The following OOEP variants were observed in gnomAD, a reference collection of about 807,000 sequenced individuals.
The protein encoded by OOEP is oocyte-expressed protein homolog.
Under a neutral mutation model 13.7 loss-of-function variants are expected in OOEP, and 16 were observed. The ratio of observed to expected loss-of-function variants is 1.16; its 90% CI spans 0.79 to 1.77. OOEP has a LOEUF of 1.77. OOEP is among the 40% of genes most tolerant of loss of function. The probability of loss-of-function intolerance (pLI) is 0.00; values close to 1 mark genes in which losing one functional copy is unlikely to be tolerated. For synonymous variants in OOEP, 89 were observed against 77.1 expected (o/e 1.15, Z -0.81); for missense variants, 195 against 193.1 (o/e 1.01, Z -0.06).
chr6:73,390,230 C>T (rs1769328789), intron 2 of OOEP, among the ~76,000 whole-genome samples: 1 of 152,174 alleles, frequency 6.6e-6, no homozygotes, highest in African/African-American at 2.4e-5. Flanking sequence ...AAGGACATAG[C>T]TGATCCAATT....
In OOEP at chr6:73,369,847, C is replaced by T; in HGVS notation, c.-55G>A. The T allele has an allele frequency of 2.0e-6, 3 of 1,513,046 alleles. No individual in the cohort carries two copies. The Admixed American group carries it at 5.2e-5, about 26-fold the overall frequency. 93.7% of individuals were successfully genotyped at this position (1,513,046 alleles called of 1,614,324 possible). Reference sequence around the variant, plus strand: ...GAGGCGGCTTTCGCAAGACCTCTTCCAGACCCAGGCGCGAAGCTCGGGCTC... The same window carrying T: ...GAGGCGGCTTTCGCAAGACCTCTTCTAGACCCAGGCGCGAAGCTCGGGCTC... On this transcript the variant is annotated 5_prime_UTR_variant, in exon 1 of 3. Coordinates refer to ENST00000370359, the MANE Select transcript of OOEP (RefSeq NM_001080507.3).
chr6:73,390,913 A>C (rs1769339130), intron 2 of OOEP: 1 of 151,414 alleles, frequency 6.6e-6, no homozygotes, highest in East Asian at 1.9e-4. Flanking sequence ...TATAATAATA[A>C]TAATAAAAAT....
In OOEP at chr6:73,369,892, C is replaced by T. The variant is rs2150778491; in HGVS notation, c.-100G>A. On this transcript the variant is annotated 5_prime_UTR_variant, in exon 1 of 3. Coordinates refer to ENST00000370359, the MANE Select transcript of OOEP (RefSeq NM_001080507.3). ...GGGCTCTCTTTTACCATATTCGACC[C>T]GCTCCGCCCCTTCCGGCGGCGCCTC... The T allele has an allele frequency of 9.0e-7, 1 of 1,115,508 alleles. No homozygotes were observed. The highest frequency in any genetic ancestry group is 1.3e-6 in the Non-Finnish European group (1 of 775,578). 69.1% of individuals were successfully genotyped at this position (1,115,508 alleles called of 1,614,324 possible).
At chr6:73,386,977 GAAAAAA>G (rs1169476638) in intron 2 of OOEP, among the ~76,000 whole-genome samples, 1 of 30,868 alleles carries the variant, frequency 3.2e-5, no homozygotes, top group Admixed American at 4.9e-4. Context: ...TTCCATCTCA[GAAAAAA>G]AAAAAAAAAA....
chr6:73,374,464 C>T (rs1307872432), upstream of OOEP, among the ~76,000 whole-genome samples: 1 of 152,184 alleles, frequency 6.6e-6, no homozygotes, highest in Admixed American at 6.5e-5. Context: ...ATGATGGTTG[C>T]AGAGATGGTA....
In OOEP at chr6:73,368,875, G is replaced by C. The variant is rs1401738064; in HGVS notation, c.371-12C>G. ...TTTCATCTTCTCAGCTGGAAGAGAA[G>C]CAGTTGATACTAACCATGGACAGGG... is the stretch of plus-strand genomic sequence containing the variant. On this transcript the variant is annotated splice_polypyrimidine_tract_variant and intron_variant, in intron 2 of 2. Transcript: ENST00000370359. The C allele has an allele frequency of 6.2e-6, 10 of 1,602,946 alleles. No homozygotes were observed. The highest frequency in any genetic ancestry group is 8.5e-6 in the Non-Finnish European group (10 of 1,170,084).
At chr6:73,383,505 C>T (rs1254121455) in intron 2 of OOEP, among the ~76,000 whole-genome samples, 2 of 152,074 alleles carry the variant, frequency 1.3e-5, no homozygotes, top group East Asian at 1.9e-4. Context: ...TGTGGTGGCA[C>T]ATGCCTGTAG....
upstream of OOEP, among the ~76,000 whole-genome samples, chr6:73,370,904 C>T (rs1200404934): frequency 6.6e-6 from 1 of 152,178 alleles, no homozygotes; most frequent in Non-Finnish European, 1.5e-5. Flanking sequence ...ATCTCAGCCT[C>T]CTGAGTAGCT....
chr6:73,390,378 G>A (rs750075492), intron 2 of OOEP, among the ~76,000 whole-genome samples: 32 of 152,242 alleles, frequency 2.1e-4, no homozygotes, highest in Non-Finnish European at 4.6e-4. Context: ...GCCCTCCAAA[G>A]ATACTTAATA....
At chr6:73,370,721 G>A (rs986359598), upstream of OOEP, among the ~76,000 whole-genome samples, 7 of 152,184 alleles carry the variant, frequency 4.6e-5, no homozygotes, top group African/African-American at 1.4e-4. Context: ...TTGTTTGGTT[G>A]TTTCAGAATA....
intron 2 of OOEP, chr6:73,391,486 A>C (rs1267309031): frequency 6.6e-6 from 1 of 152,542 alleles, no homozygotes; most frequent in African/African-American, 2.4e-5. Flanking sequence ...CCTTGAACAG[A>C]TTTGTGCATT....
At chr6:73,383,478 A>C (rs1467563407) in intron 2 of OOEP, among the ~76,000 whole-genome samples, 3 of 152,176 alleles carry the variant, frequency 2.0e-5, no homozygotes, top group Non-Finnish European at 4.4e-5. Context: ...TCTACTAAAA[A>C]TACAAAATTA....
chr6:73,390,411 C>A (rs1024995494), intron 2 of OOEP, among the ~76,000 whole-genome samples: 24 of 152,078 alleles, frequency 1.6e-4, no homozygotes, highest in African/African-American at 5.3e-4. Flanking sequence ...AAATTCTTTA[C>A]GTAAAATGGC....
At chr6:73,369,950 G>A (rs1769023431), upstream of OOEP, 5 of 630,814 alleles carry the variant, frequency 7.9e-6, no homozygotes, top group South Asian at 1.9e-5. Context: ...TGCAAGCGAC[G>A]CCCCGGCATA....
chr6:73,386,451 A>T (rs1280637883), intron 2 of OOEP, among the ~76,000 whole-genome samples: 1 of 152,196 alleles, frequency 6.6e-6, no homozygotes, highest in African/African-American at 2.4e-5. Flanking sequence ...ATAAACAAAC[A>T]AATAGAATGA....
At chr6:73,368,903 A>G (rs75274782) in intron 2 of OOEP, 40 bp from the exon 3 acceptor site, 15,482 of 1,490,626 alleles carry the variant, frequency 0.01, 115 homozygotes, top group Middle Eastern at 0.015. Context: ...GGACAGGGAC[A>G]AGTGTTTGCT....
At chr6:73,384,894 G>T (rs906918428) in intron 2 of OOEP, among the ~76,000 whole-genome samples, 1 of 151,760 alleles carries the variant, frequency 6.6e-6, no homozygotes, top group Non-Finnish European at 1.5e-5. Flanking sequence ...GTGCCACCAC[G>T]TCTGGGTAAT....
chr6:73,394,610 A>C, intron 1 of OOEP: 1 of 322,716 alleles, frequency 3.1e-6, no homozygotes, highest in Non-Finnish European at 5.7e-6. Flanking sequence ...GGAAAGGAAT[A>C]CACAGTGGGG....
upstream of OOEP, among the ~76,000 whole-genome samples, chr6:73,372,612 T>G (rs1317097019): frequency 6.6e-6 from 1 of 152,146 alleles, no homozygotes; most frequent in African/African-American, 2.4e-5. Context: ...AGAAAACCTT[T>G]TGGGAGCTCA....
Sources: allele counts gnomAD v4.1 joint callset (sites outside exome capture counted in the v4.1 genomes callset), GRCh38; gene constraint gnomAD v4.1.1; transcripts MANE v1.5; gene names NCBI Gene and HGNC (gene_info 2026-07-23, HGNC 2026-07-21).